The following PRKDC variants were observed in gnomAD, a reference collection of about 807,000 sequenced individuals.
PRKDC encodes the protein protein kinase, DNA-activated, catalytic subunit.
A neutral mutation model predicts 486.9 loss-of-function variants in PRKDC; 82 were observed. That is an observed-to-expected ratio of 0.17 (90% CI 0.14 to 0.20). The LOEUF (loss-of-function observed/expected upper bound fraction) is 0.20. Among genes scored for constraint, PRKDC ranks in the 10% least tolerant of loss-of-function variants. PRKDC has a pLI of 1.00. For missense variants in PRKDC, 4,504 were observed against 5,038.2 expected (o/e 0.89, Z 3.21); for synonymous variants, 1,895 against 1,837.0 (o/e 1.03, Z -0.81).
At chr8:47,791,272 C>T (rs1428446437) in intron 74 of PRKDC, among the ~76,000 whole-genome samples, 2 of 152,096 alleles carry the variant, frequency 1.3e-5, no homozygotes, top group African/African-American at 4.8e-5. Flanking sequence ...GTCAGGCGTT[C>T]GAGACCAGCC....
chr8:47,896,744 C>T (rs2089590162), intron 30 of PRKDC, among the ~76,000 whole-genome samples: 1 of 152,142 alleles, frequency 6.6e-6, no homozygotes, highest in African/African-American at 2.4e-5. Context: ...AGGGCTGTGA[C>T]AGCCCACAAT....
At chr8:47,887,452 T>C (rs2089361985) in intron 35 of PRKDC, 95 bp downstream of exon 35, 2 of 1,225,184 alleles carry the variant, frequency 1.6e-6, no homozygotes, top group Admixed American at 3.4e-5. Context: ...GCTAAAACCT[T>C]ACTACCCAAA....
intron 27 of PRKDC, among the ~76,000 whole-genome samples, chr8:47,901,564 G>C (rs2089683489): frequency 6.6e-6 from 1 of 152,178 alleles, no homozygotes; most frequent in Non-Finnish European, 1.5e-5. Flanking sequence ...CAGACTAGAG[G>C]AAAGCTACAT....
intron 74 of PRKDC, among the ~76,000 whole-genome samples, chr8:47,793,447 C>T (rs560575835): frequency 2.0e-5 from 3 of 151,730 alleles, no homozygotes; most frequent in South Asian, 2.1e-4. Context: ...CGAGACCAGC[C>T]TGGCCAAGGT....
At chr8:47,933,863 G>A in intron 15 of PRKDC, 102 bp downstream of exon 15, 1 of 1,271,472 alleles carries the variant, frequency 7.9e-7, no homozygotes, top group Middle Eastern at 3.0e-4. Context: ...TTAAACTTTT[G>A]AAAGTTAGTA....
rs919039262 is a variant in PRKDC at position 47,822,801 on chromosome 8, A to C, written c.8923-1009T>G. 3.3e-5 allele frequency among the ~76,000 whole-genome samples: 5 copies of C among 152,044 alleles called. No individual in the cohort carries two copies. The South Asian group carries it at 1.0e-3, about 32-fold the overall frequency. On this transcript the variant is annotated intron_variant, in intron 64 of 85. Transcript: ENST00000314191. Reference sequence around the variant, plus strand: ...TGAGACTCTCAAAAACAAACAAACAAACAAAACCTGGACTGCTCATTGAAG... The same window carrying C: ...TGAGACTCTCAAAAACAAACAAACACACAAAACCTGGACTGCTCATTGAAG...
chr8:47,884,747 T>G (rs2089291983), intron 36 of PRKDC, among the ~76,000 whole-genome samples: 1 of 152,204 alleles, frequency 6.6e-6, no homozygotes, highest in Admixed American at 6.5e-5. Flanking sequence ...GTACTCTCCC[T>G]TAAAATGGTC....
At chr8:47,924,557 C>G (rs1332461380) in intron 21 of PRKDC, among the ~76,000 whole-genome samples, 1 of 151,376 alleles carries the variant, frequency 6.6e-6, no homozygotes, top group East Asian at 1.9e-4. Context: ...GAGACTCTGT[C>G]TCAAAATAAT....
Position 47,819,419 on chromosome 8 carries a change from C to G in PRKDC, c.9428G>C (p.Ser3143Thr). 1 of 1,539,668 alleles carries G rather than the reference C, an allele frequency of 6.5e-7. No homozygotes were observed. Among genetic ancestry groups the G allele is most frequent in the Non-Finnish European group, 8.7e-7 (1 of 1,152,086 alleles). Residue 3143 changes from serine (S) to threonine (T), a missense_variant, in exon 67 of 86, where the codon AGC (serine) becomes ACC (threonine). Around this residue, in one of 6 missense-constraint regions of PRKDC, gnomAD observed 1,592 missense variants for 1,724.6 expected, o/e 0.92. Transcript: ENST00000314191. ...QALTEIQEFI[S>T]FISKQGNLSS... ...AAAATTACCTTGTTTGCTTATAAAG[C>G]TGATGAACTCCTGAATTTCTGTTAA...
chr8:47,892,663 A>G (rs1346643133), intron 31 of PRKDC, among the ~76,000 whole-genome samples: 1 of 152,128 alleles, frequency 6.6e-6, no homozygotes, highest in Non-Finnish European at 1.5e-5. Flanking sequence ...TCTTTTCATT[A>G]AAAAGACGTA....
intron 70 of PRKDC, among the ~76,000 whole-genome samples, chr8:47,802,933 G>A (rs1184447999): frequency 2.6e-5 from 4 of 152,072 alleles, no homozygotes; most frequent in Non-Finnish European, 5.9e-5. Context: ...GATTACAGGC[G>A]TGAGCCACCA....
Position 47,933,030 on chromosome 8 carries a change from C to A in PRKDC, c.1766G>T (p.Gly589Val). The change falls in exon 16 of 86, where the codon GGG becomes GTG. Residue 589 changes from glycine to valine, a missense_variant. Physicochemically the swap from Gly to Val is moderately radical, Grantham distance 109. Transcript: ENST00000314191. The part of the protein sequence containing the change: ...LDLTLEIQTV[G>V]EQENGDEAPG... ...ATAAAAATTTCTAACCTCTTGTTCC[C>A]CAACAGTCTGTATTTCAAGTGTAAG... 6.3e-7 allele frequency: 1 copy of A among 1,591,130 alleles called. No homozygotes were observed. The highest frequency in any genetic ancestry group is 8.5e-7 in the Non-Finnish European group (1 of 1,171,982).
rs2086779434 is a variant in PRKDC, at chr8:47,785,698, T to C, written c.10903-381A>G. ...TGACAGTGAACTATGATGATGCCAC[T>C]GCACTCCAGCCTGGGTATCCGAGTG... On this transcript the variant is annotated intron_variant, in intron 76 of 85. Transcript: ENST00000314191. Among the ~76,000 whole-genome samples the C allele has an allele frequency of 4.0e-5, 6 of 151,860 alleles. No homozygotes were observed. The South Asian group carries it at 1.0e-3, about 26-fold the overall frequency.
chr8:47,849,053 T>C, intron 54 of PRKDC, 101 bp downstream of exon 54: 1 of 1,417,788 alleles, frequency 7.1e-7, no homozygotes, highest in East Asian at 2.3e-5. Flanking sequence ...CAAATGTGTA[T>C]ATCATGGAAA....
chr8:47,909,895 T>C (rs1263920772), intron 25 of PRKDC, among the ~76,000 whole-genome samples: 1 of 152,172 alleles, frequency 6.6e-6, no homozygotes, highest in Non-Finnish European at 1.5e-5. Flanking sequence ...TGTTAAGATG[T>C]TTATCAAGAC....
At chr8:47,849,357 A>G in intron 53 of PRKDC, 22 bp downstream of exon 53, 7 of 1,613,938 alleles carry the variant, frequency 4.3e-6, no homozygotes, top group Non-Finnish European at 5.9e-6. Context: ...CTGCCCCGAA[A>G]GGATCCCTGG....
At position 47,864,692 on chromosome 8, in the gene PRKDC, A is replaced by G; in HGVS notation, c.5435T>C (p.Leu1812Pro). 2 of 1,607,502 alleles carry G rather than the reference A, an allele frequency of 1.2e-6. No individual in the cohort carries two copies. Among genetic ancestry groups the G allele is most frequent in the Non-Finnish European group, 1.7e-6 (2 of 1,176,916 alleles). ...CACAAAGGACTGGCGTGTGAAACTT[A>G]GGCGGGGGTCATCCTTCCTGAACAT... ...YEMFRKDDPR[L>P]SFTRQSFVDR... Residue 1812 changes from leucine to proline, a missense_variant, in exon 41 of 86, where the codon CTA becomes CCA. Physicochemically the swap from Leu to Pro is moderately conservative, Grantham distance 98. Coordinates refer to ENST00000314191, the MANE Select transcript of PRKDC (RefSeq NM_006904.7).
intron 68 of PRKDC, among the ~76,000 whole-genome samples, chr8:47,817,162 T>C (rs2087464672): frequency 6.6e-6 from 1 of 152,226 alleles, no homozygotes; most frequent in Non-Finnish European, 1.5e-5. Flanking sequence ...AACATTCCGT[T>C]GTGAGAGAAG....
chr8:47,940,343 T>C (rs2090423171), intron 10 of PRKDC, among the ~76,000 whole-genome samples: 1 of 152,208 alleles, frequency 6.6e-6, no homozygotes, highest in Non-Finnish European at 1.5e-5. Flanking sequence ...CAAGAACTAA[T>C]ACAGGTATTC....
Sources: gnomAD v4.1 joint callset for allele counts (sites outside exome capture counted in the v4.1 genomes callset) on GRCh38, gnomAD v4.1.1 for gene constraint, gnomAD v4.1.1 regional missense constraint, MANE v1.5 for transcripts, NCBI Gene and HGNC (gene_info 2026-07-23, HGNC 2026-07-21) for gene names.